Variants in BBS9 observed in about 807,000 individuals in gnomAD.
BBS9 encodes Bardet-Biedl syndrome 9.
Under a neutral mutation model 117.7 loss-of-function variants are expected in BBS9, and 89 were observed. The ratio of observed to expected loss-of-function variants is 0.76; its 90% CI spans 0.64 to 0.90. The LOEUF (loss-of-function observed/expected upper bound fraction) is 0.90, where lower values mean the gene tolerates loss of function less well. Among genes scored for constraint, BBS9 ranks in the 40% least tolerant of loss-of-function variants. The pLI is 0.00. For synonymous variants in BBS9, 379 were observed against 370.9 expected (o/e 1.02, Z -0.25); for missense variants, 982 against 1,042.2 (o/e 0.94, Z 0.80).
intron 21 of BBS9, among the ~76,000 whole-genome samples, chr7:33,557,605 G>C (rs895013704): frequency 6.6e-6 from 1 of 152,156 alleles, no homozygotes; most frequent in Non-Finnish European, 1.5e-5. Flanking sequence ...CAGCTGATGA[G>C]GGGTAATCCT....
chr7:33,596,297 CACTT>C (rs1465090009), intron 21 of BBS9, among the ~76,000 whole-genome samples: 2 of 125,870 alleles, frequency 1.6e-5, no homozygotes, highest in Non-Finnish European at 3.3e-5. Context: ...CACACACACA[CACTT>C]ATATATGTGT....
chr7:33,494,055 G>A (rs571745482), intron 19 of BBS9, among the ~76,000 whole-genome samples: 1 of 152,170 alleles, frequency 6.6e-6, no homozygotes, highest in Non-Finnish European at 1.5e-5. Context: ...CCTCTGGCTT[G>A]TGGGTTTTGC....
intron 19 of BBS9, among the ~76,000 whole-genome samples, chr7:33,405,811 AT>A (rs1829849099): frequency 6.6e-6 from 1 of 151,844 alleles, no homozygotes; most frequent in African/African-American, 2.4e-5. Context: ...GGATTCATTA[AT>A]TTTTTGAAGG....
At chr7:33,377,856 A>G (rs1301265463) in intron 17 of BBS9, among the ~76,000 whole-genome samples, 2 of 152,160 alleles carry the variant, frequency 1.3e-5, no homozygotes, top group Non-Finnish European at 2.9e-5. Context: ...TGTGAGGTGT[A>G]GACTCAAATT....
chr7:33,256,501 G>T (rs1797106132), intron 5 of BBS9, among the ~76,000 whole-genome samples: 1 of 151,204 alleles, frequency 6.6e-6, no homozygotes. Flanking sequence ...TTTTTTTTTA[G>T]CCTCTTTTGG....
chr7:33,383,136 A>G (rs1007232397), intron 17 of BBS9, among the ~76,000 whole-genome samples: 2 of 152,172 alleles, frequency 1.3e-5, no homozygotes, highest in Admixed American at 1.3e-4. Flanking sequence ...GGGAAACAAG[A>G]TTTATATTTA....
intron 21 of BBS9, among the ~76,000 whole-genome samples, chr7:33,560,831 T>G (rs1389690919): frequency 6.6e-6 from 1 of 152,208 alleles, no homozygotes; most frequent in African/African-American, 2.4e-5. Flanking sequence ...GGAAGGTTTT[T>G]TCCCTTAATG....
At chr7:33,171,399 A>G (rs1292945776) in intron 4 of BBS9, among the ~76,000 whole-genome samples, 2 of 152,218 alleles carry the variant, frequency 1.3e-5, no homozygotes, top group Non-Finnish European at 2.9e-5. Flanking sequence ...CTGGCTAGCC[A>G]TATGTAGAAA....
chr7:33,426,147 G>A (rs1048804614), intron 19 of BBS9, among the ~76,000 whole-genome samples: 1 of 152,212 alleles, frequency 6.6e-6, no homozygotes, highest in Non-Finnish European at 1.5e-5. Flanking sequence ...GTCATGACCC[G>A]ATGTTACTAC....
Position 33,626,287 on chromosome 7 carries a change from T to A in BBS9, c.2522-8890T>A, listed in dbSNP as rs1162335998. Among the ~76,000 whole-genome samples, 4 of 152,348 alleles carry A rather than the reference T, an allele frequency of 2.6e-5. No individual in the cohort carries two copies. The East Asian group carries it at 5.8e-4, about 22-fold the overall frequency. ...CCCCAGCCCTGCTTCCTGTACTGCC[T>A]GCAGAACTGTGAAGTCAATTAAACC... On this transcript the variant is annotated intron_variant, in intron 21 of 21. Transcript: ENST00000671952.
chr7:33,370,502 A>G (rs1236865635), intron 17 of BBS9, among the ~76,000 whole-genome samples: 7 of 152,154 alleles, frequency 4.6e-5, no homozygotes, highest in Admixed American at 3.9e-4. Context: ...TTTGGGAAAA[A>G]TATGCTAGCA....
At chr7:33,355,569 A>C (rs1487927618) in intron 15 of BBS9, among the ~76,000 whole-genome samples, 1 of 151,862 alleles carries the variant, frequency 6.6e-6, no homozygotes, top group Non-Finnish European at 1.5e-5. Flanking sequence ...TTTCAAAGTA[A>C]TGTTTTCCAA....
intron 15 of BBS9, 47 bp downstream of exon 15, chr7:33,352,920 T>G (rs1280472260): frequency 1.4e-5 from 22 of 1,565,876 alleles, no homozygotes; most frequent in Non-Finnish European, 1.9e-5. Flanking sequence ...AGAACTGAAA[T>G]TTGATGAATT....
intron 21 of BBS9, among the ~76,000 whole-genome samples, chr7:33,557,677 A>G (rs1855496767): frequency 1.3e-5 from 2 of 152,176 alleles, no homozygotes; most frequent in Non-Finnish European, 1.5e-5. Context: ...TAATCTGCAC[A>G]TGAATTTGTG....
chr7:33,211,909 C>G (rs934291692), intron 5 of BBS9, among the ~76,000 whole-genome samples: 2 of 76 alleles, frequency 0.026, no homozygotes, highest in African/African-American at 0.14. Context: ...CTCTCCTGGC[C>G]TGTAAGTTTC....
intron 19 of BBS9, among the ~76,000 whole-genome samples, chr7:33,410,194 G>A (rs1743907095): frequency 6.6e-6 from 1 of 152,138 alleles, no homozygotes; most frequent in Non-Finnish European, 1.5e-5. Context: ...AAAAATGTGT[G>A]TTAAAGAAGA....
chr7:33,169,070 T>C (rs1796126388), intron 4 of BBS9, among the ~76,000 whole-genome samples: 1 of 152,154 alleles, frequency 6.6e-6, no homozygotes, highest in Non-Finnish European at 1.5e-5. Flanking sequence ...GTTTGGTTTT[T>C]TGTCCTTGCG....
At chr7:33,301,133 A>G (rs1474152998) in intron 9 of BBS9, among the ~76,000 whole-genome samples, 2 of 151,908 alleles carry the variant, frequency 1.3e-5, no homozygotes, top group African/African-American at 4.8e-5. Context: ...ATGTGTGTAT[A>G]TATATACACA....
At chr7:33,459,312 G>A (rs1228249609) in intron 19 of BBS9, among the ~76,000 whole-genome samples, 3 of 151,834 alleles carry the variant, frequency 2.0e-5, no homozygotes, top group South Asian at 2.1e-4. Flanking sequence ...TCGAGACTCC[G>A]GGACATTTGG....
Sources: gnomAD v4.1 joint callset for allele counts (sites outside exome capture counted in the v4.1 genomes callset) on GRCh38, gnomAD v4.1.1 for gene constraint, MANE v1.5 for transcripts, NCBI Gene and HGNC (gene_info 2026-07-23, HGNC 2026-07-21) for gene names.